PIP4P2: variants seen among roughly 807,000 people sequenced by gnomAD.
PIP4P2 encodes the protein phosphatidylinositol-4,5-bisphosphate 4-phosphatase 2.
In PIP4P2, 19 loss-of-function variants were observed where a neutral mutation model predicts 33.3. The observed-to-expected ratio is 0.57, with a 90% confidence interval of 0.40 to 0.84. The LOEUF (loss-of-function observed/expected upper bound fraction) is 0.84, where lower values mean the gene tolerates loss of function less well. Ranked by LOEUF, PIP4P2 falls within the 40% of genes least tolerant of loss-of-function variation. PIP4P2 has a pLI of 0.00. For synonymous variants in PIP4P2, 110 were observed against 111.9 expected (o/e 0.98, Z 0.11); for missense variants, 270 against 324.7 (o/e 0.83, Z 1.29).
intron 5 of PIP4P2, 85 bp from the exon 6 acceptor site, chr8:90,996,829 TTTAGTAATA>T (rs1303481522): frequency 9.7e-7 from 1 of 1,030,366 alleles, no homozygotes; most frequent in African/African-American, 1.7e-5. Flanking sequence ...TATCTATGGC[TTTAGTAATA>T]TTATATACTT....
At chr8:91,030,213 CAAAAAAA>C (rs35093838) in intron 1 of PIP4P2, among the ~76,000 whole-genome samples, 1 of 114,854 alleles carries the variant, frequency 8.7e-6, no homozygotes, top group Non-Finnish European at 1.8e-5. Context: ...GACTCCATCT[CAAAAAAA>C]AAAAAAAAAA....
At chr8:91,008,849 A>G in intron 4 of PIP4P2, 54 bp from the exon 5 acceptor site, 1 of 1,438,918 alleles carries the variant, frequency 6.9e-7, no homozygotes, top group Non-Finnish European at 9.7e-7. Context: ...AAACTATCCA[A>G]TCTGATAAGA....
rs1811599586 is a variant in PIP4P2 at position 90,994,311 on chromosome 8, C to G, written c.*1366G>C. 1 of 152,038 alleles carries G rather than the reference C, an allele frequency of 6.6e-6. No individual in the cohort carries two copies. The highest frequency in any genetic ancestry group is 6.5e-5 in the Admixed American group (1 of 15,270). The allele number at this position is 152,038 out of a possible 1,614,324, so 9.4% of individuals were successfully genotyped here. The stretch of plus-strand genomic sequence containing the variant: ...CTTTATTAGTGTATTTTTAAAGGTA[C>G]ATATAATCCTGAGCTACAGCATTTA... On this transcript the variant is annotated 3_prime_UTR_variant, in exon 7 of 7. Transcript: ENST00000285419.
chr8:91,018,695 G>A (rs2130367599), intron 3 of PIP4P2, 182 bp from the exon 4 acceptor site: 1 of 739,202 alleles, frequency 1.4e-6, no homozygotes, highest in African/African-American at 1.8e-5. Context: ...AGCAAAATAT[G>A]AGTCTGTACT....
intron 5 of PIP4P2, among the ~76,000 whole-genome samples, chr8:91,003,290 G>C (rs543951288): frequency 2.6e-5 from 4 of 152,216 alleles, no homozygotes; most frequent in African/African-American, 7.2e-5. Context: ...AGATAAATTA[G>C]AAAACCAATG....
At chr8:91,032,675 G>T (rs1458508405) in intron 1 of PIP4P2, among the ~76,000 whole-genome samples, 1 of 151,500 alleles carries the variant, frequency 6.6e-6, no homozygotes, top group Non-Finnish European at 1.5e-5. Flanking sequence ...CATCTACTTG[G>T]GAGGCTGAGG....
intron 1 of PIP4P2, among the ~76,000 whole-genome samples, chr8:91,025,982 G>A (rs1812078938): frequency 1.3e-5 from 2 of 152,108 alleles, no homozygotes; most frequent in African/African-American, 2.4e-5. Flanking sequence ...TGACATTCTT[G>A]GAAAAATTCA....
intron 4 of PIP4P2, among the ~76,000 whole-genome samples, chr8:91,015,321 A>G (rs1465441202): frequency 6.6e-6 from 1 of 152,214 alleles, no homozygotes; most frequent in South Asian, 2.1e-4. Flanking sequence ...CAGGAAGAGG[A>G]TAAGGAAGAG....
chr8:91,010,758 G>T (rs1811825098), intron 4 of PIP4P2, among the ~76,000 whole-genome samples: 1 of 151,324 alleles, frequency 6.6e-6, no homozygotes, highest in South Asian at 2.1e-4. Flanking sequence ...AAATTTTATT[G>T]CCAGACCTTG....
At chr8:91,029,865 G>A (rs1812137727) in intron 1 of PIP4P2, among the ~76,000 whole-genome samples, 1 of 152,142 alleles carries the variant, frequency 6.6e-6, no homozygotes, top group Non-Finnish European at 1.5e-5. Flanking sequence ...TACTCGGGAG[G>A]CTGAGGTAGG....
chr8:90,994,191 C>G lies in PIP4P2; in HGVS notation c.*1486G>C, dbSNP rs189934541. The stretch of plus-strand genomic sequence containing the variant: ...TATTATATAAAGAAACAGGTACATT[C>G]CTAAACATGAAAACTTTACAGCAAG... On this transcript the variant is annotated 3_prime_UTR_variant, in exon 7 of 7. Transcript: ENST00000285419. The G allele has an allele frequency of 2.6e-5, 4 of 152,038 alleles. No individual in the cohort carries two copies. Among genetic ancestry groups the G allele is most frequent in the African/African-American group, 9.6e-5 (4 of 41,510 alleles). 9.4% of individuals were successfully genotyped at this position (152,038 alleles called of 1,614,324 possible).
intron 6 of PIP4P2, 152 bp from the exon 7 acceptor site, chr8:90,995,972 G>T: frequency 1.3e-6 from 1 of 766,562 alleles, no homozygotes; most frequent in Non-Finnish European, 2.0e-6. Flanking sequence ...TCTGTTGACT[G>T]CAACTGATAG....
chr8:91,004,090 C>A (rs563159842), intron 5 of PIP4P2, among the ~76,000 whole-genome samples: 13 of 152,248 alleles, frequency 8.5e-5, no homozygotes, highest in Non-Finnish European at 1.3e-4. Flanking sequence ...AACAGGGGAT[C>A]TGTAAGAGTC....
chr8:90,996,579 G>T, intron 6 of PIP4P2, 75 bp downstream of exon 6: 1 of 1,251,102 alleles, frequency 8.0e-7, no homozygotes, highest in Non-Finnish European at 1.1e-6. Flanking sequence ...ATCCCTGAAG[G>T]TTGTCCCAGG....
At chr8:91,009,753 A>T (rs1282237814) in intron 4 of PIP4P2, among the ~76,000 whole-genome samples, 1 of 151,912 alleles carries the variant, frequency 6.6e-6, no homozygotes, top group Admixed American at 6.6e-5. Context: ...AAAATATCTG[A>T]TGCATACTTT....
At chr8:91,018,139 C>A (rs1020783846) in intron 4 of PIP4P2, among the ~76,000 whole-genome samples, 1 of 152,092 alleles carries the variant, frequency 6.6e-6, no homozygotes, top group Non-Finnish European at 1.5e-5. Flanking sequence ...AGCCTGGGCA[C>A]GATTTCTCAT....
chr8:91,039,667 T>C (rs1337980128), intron 1 of PIP4P2, among the ~76,000 whole-genome samples: 2 of 152,226 alleles, frequency 1.3e-5, no homozygotes, highest in African/African-American at 2.4e-5. Context: ...AAGGAACATT[T>C]GCAAGTGCCA....
chr8:91,027,897 A>T (rs1812104119), intron 1 of PIP4P2, among the ~76,000 whole-genome samples: 1 of 152,210 alleles, frequency 6.6e-6, no homozygotes, highest in African/African-American at 2.4e-5. Context: ...TACTCCCTTC[A>T]CTAAGGCATC....
At chr8:91,001,309 T>C (rs1184828298) in intron 5 of PIP4P2, among the ~76,000 whole-genome samples, 1 of 152,128 alleles carries the variant, frequency 6.6e-6, no homozygotes, top group East Asian at 1.9e-4. Context: ...TTTAGGTTCA[T>C]GTATCTATTG....
Sources: gnomAD v4.1 joint callset for allele counts (sites outside exome capture counted in the v4.1 genomes callset) on GRCh38, gnomAD v4.1.1 for gene constraint, MANE v1.5 for transcripts, NCBI Gene and HGNC (gene_info 2026-07-23, HGNC 2026-07-21) for gene names.